The following STX8 variants were observed in gnomAD, a reference collection of about 807,000 sequenced individuals.
STX8 encodes syntaxin 8.
In STX8, 23 loss-of-function variants were observed where a neutral mutation model predicts 37.5. That is an observed-to-expected ratio of 0.61 (90% CI 0.44 to 0.87). STX8 has a LOEUF of 0.87. STX8 is among the 40% of genes least tolerant of loss of function. The pLI, the probability that STX8 is intolerant of heterozygous loss-of-function variation, is 0.00. For missense variants in STX8, 313 were observed against 284.7 expected (o/e 1.10, Z -0.71); for synonymous variants, 115 against 99.1 (o/e 1.16, Z -0.95).
intron 6 of STX8, among the ~76,000 whole-genome samples, chr17:9,442,961 G>A (rs1018357260): frequency 3.3e-5 from 5 of 152,156 alleles, no homozygotes; most frequent in African/African-American, 1.2e-4. Flanking sequence ...AGGCATCAAC[G>A]TAATGCATTT....
chr17:9,285,766 G>C (rs1908051696), intron 7 of STX8, among the ~76,000 whole-genome samples: 1 of 152,194 alleles, frequency 6.6e-6, no homozygotes, highest in Non-Finnish European at 1.5e-5. Flanking sequence ...CCAATGCCTG[G>C]TCATAAATGA....
At chr17:9,497,796 G>A (rs1361293319) in intron 5 of STX8, among the ~76,000 whole-genome samples, 2 of 152,124 alleles carry the variant, frequency 1.3e-5, no homozygotes, top group African/African-American at 4.8e-5. Context: ...CCAGATCTGA[G>A]CCCAGCTAGT....
At position 9,341,026 on chromosome 17, in the gene STX8, T is replaced by A. The variant is rs935656208; in HGVS notation, c.643+37526A>T. On this transcript the variant is annotated intron_variant, in intron 7 of 7. Coordinates refer to ENST00000306357, the MANE Select transcript of STX8 (RefSeq NM_004853.3). ...TATATATATAAATATATATTATATA[T>A]ATAAATTATAAATTGTAAAATTTAA... Among the ~76,000 whole-genome samples the A allele has an allele frequency of 3.4e-5, 5 of 147,968 alleles. No homozygotes were observed. In the East Asian group the frequency reaches 7.8e-4, roughly 23 times the overall value.
chr17:9,442,206 A>G (rs955331883), intron 6 of STX8, among the ~76,000 whole-genome samples: 3 of 152,186 alleles, frequency 2.0e-5, no homozygotes, highest in Admixed American at 6.5e-5. Context: ...GCAGAACCCA[A>G]TCAATCACTG....
At chr17:9,282,893 T>G (rs948385919) in intron 7 of STX8, among the ~76,000 whole-genome samples, 1 of 131,776 alleles carries the variant, frequency 7.6e-6, no homozygotes, top group Admixed American at 8.5e-5. Flanking sequence ...AGTCACTTTA[T>G]GGAGATGAAT....
intron 4 of STX8, among the ~76,000 whole-genome samples, chr17:9,528,698 G>A (rs1184487452): frequency 6.6e-6 from 1 of 151,838 alleles, no homozygotes; most frequent in Non-Finnish European, 1.5e-5. Context: ...AAGCAGGGAG[G>A]GAATACGGAA....
chr17:9,482,773 G>A (rs956195179), intron 6 of STX8, among the ~76,000 whole-genome samples: 3 of 152,104 alleles, frequency 2.0e-5, no homozygotes, highest in African/African-American at 4.8e-5. Flanking sequence ...AATTAGCTGG[G>A]TGTGGTGGCA....
At chr17:9,569,180 C>T (rs1907583415) in intron 1 of STX8, among the ~76,000 whole-genome samples, 1 of 152,216 alleles carries the variant, frequency 6.6e-6, no homozygotes, top group Non-Finnish European at 1.5e-5. Context: ...GCACTGGGCA[C>T]TGTTCTGGGC....
At chr17:9,388,815 A>G (rs946553639) in intron 6 of STX8, among the ~76,000 whole-genome samples, 2 of 83,058 alleles carry the variant, frequency 2.4e-5, no homozygotes, top group South Asian at 3.3e-4. Context: ...AAAAAAAGAA[A>G]AAAAAAAAAA....
intron 4 of STX8, among the ~76,000 whole-genome samples, chr17:9,544,821 T>C (rs907309323): frequency 1.3e-5 from 2 of 151,954 alleles, no homozygotes; most frequent in South Asian, 4.1e-4. Flanking sequence ...TGAAACCCCA[T>C]CTCTACTAAA....
chr17:9,526,629 TG>T (rs1905580916), intron 4 of STX8, among the ~76,000 whole-genome samples: 1 of 152,176 alleles, frequency 6.6e-6, no homozygotes, highest in Non-Finnish European at 1.5e-5. Context: ...CCCAGCACTT[TG>T]GGGGGCCGAT....
At position 9,422,105 on chromosome 17, in the gene STX8, GT is replaced by G. The variant is rs567821440; in HGVS notation, c.542-43453del. Among the ~76,000 whole-genome samples, 1,316 of 139,598 alleles carry G rather than the reference GT, an allele frequency of 9.4e-3. 18 individuals are homozygous for G. The highest frequency in any genetic ancestry group is 0.028 in the African/African-American group (1,053 of 37,912). The allele number at this position is 139,598 out of a possible 152,430, so 91.6% of individuals were successfully genotyped here. On this transcript the variant is annotated intron_variant, in intron 6 of 7. Transcript: ENST00000306357. ...ATAATTTACCCAGTCTCGGGTAGTA[GT>G]TTTTTTTTTTTTTTTGAGACAGAGT...
chr17:9,473,046 CT>C (rs11309971), intron 6 of STX8, among the ~76,000 whole-genome samples: 82,926 of 145,514 alleles, frequency 0.57, 23,749 homozygotes, highest in African/African-American at 0.64. Context: ...ATCTTTTTTT[CT>C]TTTTTTTTTT....
intron 6 of STX8, among the ~76,000 whole-genome samples, chr17:9,473,372 T>C (rs1905961496): frequency 6.6e-6 from 1 of 152,174 alleles, no homozygotes; most frequent in Non-Finnish European, 1.5e-5. Flanking sequence ...CTGGTTTCCT[T>C]GCTGTAATAT....
chr17:9,564,411 A>C (rs1907376194), intron 2 of STX8, among the ~76,000 whole-genome samples: 1 of 152,158 alleles, frequency 6.6e-6, no homozygotes, highest in Non-Finnish European at 1.5e-5. Flanking sequence ...AAGAGAGGAA[A>C]TCAAACTATT....
intron 7 of STX8, among the ~76,000 whole-genome samples, chr17:9,375,722 A>G (rs569109085): frequency 3.9e-5 from 6 of 152,256 alleles, no homozygotes; most frequent in Non-Finnish European, 8.8e-5. Context: ...TGCACCAACC[A>G]TATACATATA....
At chr17:9,389,092 AC>A (rs1212037580) in intron 6 of STX8, among the ~76,000 whole-genome samples, 1 of 152,212 alleles carries the variant, frequency 6.6e-6, no homozygotes, top group African/African-American at 2.4e-5. Flanking sequence ...TGTGATTATG[AC>A]TGCCTCATAA....
chr17:9,315,120 A>C (rs566909931), intron 7 of STX8, among the ~76,000 whole-genome samples: 14 of 150,432 alleles, frequency 9.3e-5, no homozygotes, highest in South Asian at 4.2e-4. Context: ...AAAAAAACCA[A>C]CAACAACAAC....
chr17:9,568,673 TG>T (rs370855175), intron 1 of STX8, among the ~76,000 whole-genome samples: 6 of 152,292 alleles, frequency 3.9e-5, no homozygotes, highest in African/African-American at 1.4e-4. Context: ...GCTAATTTTT[TG>T]TATTTTTAGT....
Sources: gnomAD v4.1 joint callset for allele counts (sites outside exome capture counted in the v4.1 genomes callset) on GRCh38, gnomAD v4.1.1 for gene constraint, MANE v1.5 for transcripts, NCBI Gene and HGNC (gene_info 2026-07-23, HGNC 2026-07-21) for gene names.